The following SEZ6L variants were observed in gnomAD, a reference collection of about 807,000 sequenced individuals.
SEZ6L encodes the protein seizure related 6 homolog like.
A neutral mutation model predicts 106.2 loss-of-function variants in SEZ6L; 37 were observed. The ratio of observed to expected loss-of-function variants is 0.35; its 90% CI spans 0.27 to 0.46. The LOEUF is 0.46. Among genes scored for constraint, SEZ6L ranks in the 20% least tolerant of loss-of-function variants. The probability of loss-of-function intolerance (pLI) is 1.00; values close to 1 mark genes in which losing one functional copy is unlikely to be tolerated. For missense variants in SEZ6L, 1,172 were observed against 1,332.8 expected (o/e 0.88, Z 1.88); for synonymous variants, 541 against 570.4 (o/e 0.95, Z 0.73).
At chr22:26,338,867 C>CTTTTTTTCTTTTTTTT (rs2082732292) in intron 9 of SEZ6L, among the ~76,000 whole-genome samples, 1 of 87,466 alleles carries the variant, frequency 1.1e-5, no homozygotes, top group African/African-American at 4.9e-5. Flanking sequence ...TTTTTTTTTT[C>CTTTTTTTCTTTTTTTT]TTTTTTTTTT....
At position 26,218,423 on chromosome 22, in the gene SEZ6L, C is replaced by A. The variant is rs578073651; in HGVS notation, c.94+48660C>A. 7.2e-5 allele frequency among the ~76,000 whole-genome samples: 11 copies of A among 152,318 alleles called. No individual in the cohort carries two copies. In the South Asian group the frequency reaches 2.3e-3, roughly 32 times the overall value. ...CCTCCCCTTGCTCCCCACCTCCCAA[C>A]AGGTCCTGGTATGTAATGTTCCCCT... On this transcript the variant is annotated intron_variant, in intron 1 of 16. Transcript: ENST00000248933.
At chr22:26,224,081 A>G (rs1425036352) in intron 1 of SEZ6L, among the ~76,000 whole-genome samples, 1 of 152,228 alleles carries the variant, frequency 6.6e-6, no homozygotes, top group East Asian at 1.9e-4. Context: ...AGAAAAAAAA[A>G]GTTGAATTAA....
At chr22:26,296,176 T>G (rs2081295006) in intron 3 of SEZ6L, among the ~76,000 whole-genome samples, 1 of 152,120 alleles carries the variant, frequency 6.6e-6, no homozygotes, top group Non-Finnish European at 1.5e-5. Flanking sequence ...AACTAAAGTA[T>G]CTCGCTTCTT....
chr22:26,304,358 AAAAAAAGAAAGAAGAAAGAAAGAAAG>A (rs2081546273), intron 5 of SEZ6L, among the ~76,000 whole-genome samples: 1 of 117,966 alleles, frequency 8.5e-6, no homozygotes, highest in African/African-American at 3.5e-5. Flanking sequence ...TCTCAAAAAA[AAAAAAAGAAAGAAGAAAGAAAGAAAG>A]AAAGAAAGAA....
intron 1 of SEZ6L, among the ~76,000 whole-genome samples, chr22:26,219,099 G>A (rs2078382094): frequency 6.6e-6 from 1 of 152,170 alleles, no homozygotes; most frequent in Non-Finnish European, 1.5e-5. Flanking sequence ...TGCTGGTTAT[G>A]CCTTTAATTG....
intron 1 of SEZ6L, among the ~76,000 whole-genome samples, chr22:26,208,066 T>C (rs927375350): frequency 2.6e-5 from 4 of 151,896 alleles, no homozygotes; most frequent in East Asian, 3.9e-4. Flanking sequence ...CGCGCCACCA[T>C]GCCCAGCTAA....
chr22:26,293,282 G>T, intron 2 of SEZ6L, 136 bp downstream of exon 2: 7 of 1,273,724 alleles, frequency 5.5e-6, no homozygotes, highest in Admixed American at 3.2e-5. Flanking sequence ...CTGACTATGA[G>T]CTTCGCCCTG....
intron 1 of SEZ6L, among the ~76,000 whole-genome samples, chr22:26,186,849 G>T (rs1445565311): frequency 6.6e-6 from 1 of 152,192 alleles, no homozygotes; most frequent in Non-Finnish European, 1.5e-5. Context: ...GCTGAGAGGT[G>T]TTGGGAGTTT....
chr22:26,361,519 AAATAT>A lies in SEZ6L; in HGVS notation c.2600-3851_2600-3847del, dbSNP rs1323755025. ...GAGACTCTGTCTCAAAAAAAAAAAA[AAATAT>A]ATATATATATATATGTATTAAGTGA... On this transcript the variant is annotated intron_variant, in intron 12 of 16. Transcript: ENST00000248933. 5.1e-3 allele frequency among the ~76,000 whole-genome samples: 668 copies of A among 129,866 alleles called. 5 individuals are homozygous for A. The highest frequency in any genetic ancestry group is 0.019 in the African/African-American group (615 of 32,674). 85.2% of individuals were successfully genotyped at this position (129,866 alleles called of 152,430 possible).
At chr22:26,225,935 G>A (rs967576060) in intron 1 of SEZ6L, among the ~76,000 whole-genome samples, 3 of 152,156 alleles carry the variant, frequency 2.0e-5, no homozygotes, top group Non-Finnish European at 4.4e-5. Flanking sequence ...ATCTATGGTT[G>A]AGCAAAACAA....
At chr22:26,324,603 T>C (rs1254670337) in intron 9 of SEZ6L, among the ~76,000 whole-genome samples, 4 of 152,244 alleles carry the variant, frequency 2.6e-5, no homozygotes, top group South Asian at 2.1e-4. Context: ...CCTGGGAGAA[T>C]AGATTTCCAG....
intron 1 of SEZ6L, among the ~76,000 whole-genome samples, chr22:26,214,837 G>A (rs781069828): frequency 6.6e-6 from 1 of 152,184 alleles, no homozygotes; most frequent in Non-Finnish European, 1.5e-5. Context: ...ATGTTTCTGG[G>A]TGGGTGGTGG....
At chr22:26,359,649 T>C (rs536986390) in intron 12 of SEZ6L, among the ~76,000 whole-genome samples, 1 of 151,702 alleles carries the variant, frequency 6.6e-6, no homozygotes, top group Non-Finnish European at 1.5e-5. Context: ...CATAAAAAAT[T>C]TTTAAATTAG....
At chr22:26,265,006 G>A (rs985131587) in intron 1 of SEZ6L, among the ~76,000 whole-genome samples, 2 of 152,176 alleles carry the variant, frequency 1.3e-5, no homozygotes, top group African/African-American at 4.8e-5. Context: ...TATTGCACTA[G>A]ATGTGTTTTA....
intron 1 of SEZ6L, among the ~76,000 whole-genome samples, chr22:26,174,428 A>G (rs959289313): frequency 6.6e-6 from 1 of 152,106 alleles, no homozygotes; most frequent in African/African-American, 2.4e-5. Context: ...CAAAAAAAAG[A>G]TAATCTGTCG....
chr22:26,289,276 CCT>C (rs2081035543), intron 1 of SEZ6L, among the ~76,000 whole-genome samples: 1 of 152,144 alleles, frequency 6.6e-6, no homozygotes, highest in Non-Finnish European at 1.5e-5. Context: ...GTCCCTATGC[CCT>C]CTTTTCACTC....
At position 26,351,162 on chromosome 22, in the gene SEZ6L, C is replaced by A; in HGVS notation, c.2518C>A (p.Leu840Ile). The change falls in exon 12 of 17, where the codon CTT (leucine) becomes ATT (isoleucine). Residue 840 changes from leucine (L) to isoleucine (I), a missense_variant. Leu to Ile is a conservative substitution (Grantham distance 5). Transcript: ENST00000248933. Reference protein sequence around the residue: ...IQYTCNPGFVLEGSSLLTCYS... With the variant: ...IQYTCNPGFVIEGSSLLTCYS... ...ATACACCTGCAACCCCGGTTTTGTG[C>A]TTGAAGGGAGTTCTCTTCTGACCTG... 6.2e-7 allele frequency: 1 copy of A among 1,614,170 alleles called. No individual in the cohort carries two copies. Among genetic ancestry groups the A allele is most frequent in the South Asian group, 1.1e-5 (1 of 91,072 alleles).
At chr22:26,235,555 G>A (rs1435193651) in intron 1 of SEZ6L, among the ~76,000 whole-genome samples, 1 of 152,086 alleles carries the variant, frequency 6.6e-6, no homozygotes, top group African/African-American at 2.4e-5. Flanking sequence ...GTAGGGTGAG[G>A]GCATTTGAGA....
chr22:26,262,244 T>TTATCTGTCTATC (rs144993052), intron 1 of SEZ6L, among the ~76,000 whole-genome samples: 2 of 144,290 alleles, frequency 1.4e-5, no homozygotes, highest in African/African-American at 2.6e-5. Flanking sequence ...TTGATATATT[T>TTATCTGTCTATC]TATCTATCTA....
Sources: allele counts gnomAD v4.1 joint callset (sites outside exome capture counted in the v4.1 genomes callset), GRCh38; gene constraint gnomAD v4.1.1; transcripts MANE v1.5; gene names NCBI Gene and HGNC (gene_info 2026-07-23, HGNC 2026-07-21).